Variants in ANKMY2 observed in about 807,000 individuals in gnomAD.
The protein encoded by ANKMY2 is ankyrin repeat and MYND domain-containing protein 2.
In ANKMY2, 36 loss-of-function variants were observed where a neutral mutation model predicts 50.4. That is an observed-to-expected ratio of 0.71 (90% confidence interval 0.55 to 0.94). The LOEUF (loss-of-function observed/expected upper bound fraction) is 0.94, where lower values mean the gene tolerates loss of function less well. ANKMY2 is among the 40% of genes least tolerant of loss of function. The pLI is 0.00. For missense variants in ANKMY2, 565 were observed against 524.0 expected, an observed-to-expected ratio of 1.08 and a Z score of -0.76; for synonymous variants, 187 against 178.8, an observed-to-expected ratio of 1.05 and a Z score of -0.36.
At chr7:16,640,218 T>G (rs893592860) in intron 1 of ANKMY2, among the ~76,000 whole-genome samples, 2 of 152,068 alleles carry the variant, frequency 1.3e-5, no homozygotes, top group African/African-American at 4.8e-5. Flanking sequence ...CCTGTAAAAC[T>G]CTCAGTTTCC....
chr7:16,604,430 C>T (rs535906757), intron 8 of ANKMY2, among the ~76,000 whole-genome samples: 1 of 148,042 alleles, frequency 6.8e-6, no homozygotes, highest in East Asian at 2.0e-4. Flanking sequence ...CCACGGAAAA[C>T]CTTTCTCTTA....
chr7:16,634,279 A>G (rs1172725755), intron 2 of ANKMY2, among the ~76,000 whole-genome samples: 1 of 152,266 alleles, frequency 6.6e-6, no homozygotes. Flanking sequence ...CAGACAAAAT[A>G]ACAATTTGCA....
intron 2 of ANKMY2, 77 bp from the exon 3 acceptor site, chr7:16,627,255 G>C: frequency 1.0e-6 from 1 of 957,992 alleles, no homozygotes; most frequent in East Asian, 2.8e-5. Flanking sequence ...TCTGCAATTA[G>C]AAACATAAAA....
chr7:16,626,695 T>C (rs182520462), intron 3 of ANKMY2, among the ~76,000 whole-genome samples: 2 of 152,316 alleles, frequency 1.3e-5, no homozygotes, highest in Admixed American at 1.3e-4. Context: ...ATGGCAACTG[T>C]TTGATCAAGA....
intron 2 of ANKMY2, among the ~76,000 whole-genome samples, chr7:16,633,631 A>T (rs1781617532): frequency 6.6e-6 from 1 of 152,190 alleles, no homozygotes; most frequent in African/African-American, 2.4e-5. Flanking sequence ...TACTACATTT[A>T]GCAAAGCTGT....
In ANKMY2 at chr7:16,607,746, G is replaced by T. The variant is rs1356839051; in HGVS notation, c.882+1884C>A. ...TCTGTTTTTTCCCAGGAAGGTAAAA[G>T]GTCAGCAACCATTTGTGAGTGCTGG... On this transcript the variant is annotated intron_variant, in intron 7 of 9. Coordinates refer to ENST00000306999, the MANE Select transcript of ANKMY2 (RefSeq NM_020319.3). 2.7e-5 allele frequency among the ~76,000 whole-genome samples: 4 copies of T among 148,652 alleles called. No individual in the cohort carries two copies. The Admixed American group carries it at 2.7e-4, about 10-fold the overall frequency.
At chr7:16,644,749 T>C (rs781590066) in intron 1 of ANKMY2, 10 of 470,526 alleles carry the variant, frequency 2.1e-5, no homozygotes, top group Middle Eastern at 3.2e-4. Flanking sequence ...TCCGGGGAAA[T>C]ATGGCTTCTG....
At chr7:16,624,887 C>CT in intron 4 of ANKMY2, 96 bp downstream of exon 4, 1 of 986,240 alleles carries the variant, frequency 1.0e-6, no homozygotes, top group Non-Finnish European at 1.5e-6. Flanking sequence ...TTTAAAGCAA[C>CT]ATGATAATAT....
chr7:16,616,578 C>A (rs896525869), intron 4 of ANKMY2, among the ~76,000 whole-genome samples: 127 of 152,296 alleles, frequency 8.3e-4, no homozygotes, highest in African/African-American at 2.8e-3. Context: ...CGGCGCCCCC[C>A]CCTCCCTAGC....
intron 5 of ANKMY2, 147 bp downstream of exon 5, chr7:16,615,597 C>T: frequency 1.0e-6 from 1 of 953,316 alleles, no homozygotes; most frequent in Non-Finnish European, 1.6e-6. Flanking sequence ...AGTGTTCCTT[C>T]AATAAATTAA....
chr7:16,633,236 A>G (rs1280324824), intron 2 of ANKMY2, among the ~76,000 whole-genome samples: 1 of 151,202 alleles, frequency 6.6e-6, no homozygotes, highest in South Asian at 2.1e-4. Flanking sequence ...TTGAAACACA[A>G]AAGTTTTTAA....
chr7:16,619,329 T>C (rs192858448), intron 4 of ANKMY2, among the ~76,000 whole-genome samples: 266 of 152,216 alleles, frequency 1.7e-3, no homozygotes, highest in Non-Finnish European at 2.8e-3. Context: ...AATTTTGTAT[T>C]TTTTAGTAGA....
rs749795292 is a variant in ANKMY2 at position 16,625,068 on chromosome 7, G to C, written c.285C>G (p.Ile95Met). 1.7e-5 allele frequency: 27 copies of C among 1,613,348 alleles called. No individual in the cohort carries two copies. In the Admixed American group the frequency reaches 4.5e-4, roughly 27 times the overall value. The change falls in exon 4 of 10, where the codon ATC (isoleucine) becomes ATG (methionine). Residue 95 changes from isoleucine to methionine, a missense_variant. Ile to Met is a conservative substitution (Grantham distance 10, BLOSUM62 1). Coordinates refer to ENST00000306999, the MANE Select transcript of ANKMY2 (RefSeq NM_020319.3). The stretch of plus-strand genomic sequence containing the variant: ...CACCAGCTTCTAACATTACCCATGT[G>C]ATGTCTTTATTACCTAGAGTTTTAA... ...MFAALSGNKD[I>M]TWVMLEAGAE...
At chr7:16,622,068 A>AGG (rs1219352939) in intron 4 of ANKMY2, among the ~76,000 whole-genome samples, 34 of 151,784 alleles carry the variant, frequency 2.2e-4, no homozygotes, top group Non-Finnish European at 3.4e-4. Flanking sequence ...GAAGAAGAGG[A>AGG]AGAGGAGGAG....
At position 16,636,732 on chromosome 7, in the gene ANKMY2, T is replaced by C. The variant is rs527441757; in HGVS notation, c.68-277A>G. 4.6e-5 allele frequency among the ~76,000 whole-genome samples: 7 copies of C among 152,212 alleles called. No homozygotes were observed. The East Asian group carries it at 1.3e-3, about 29-fold the overall frequency. On this transcript the variant is annotated intron_variant, in intron 1 of 9. Coordinates refer to ENST00000306999, the MANE Select transcript of ANKMY2 (RefSeq NM_020319.3). ...GGCCACATTTTCCTTTTGGCGGTAA[T>C]ACAATAACCACAAAGCATAAGACTT...
intron 4 of ANKMY2, among the ~76,000 whole-genome samples, chr7:16,617,077 C>CTTT (rs55860068): frequency 6.7e-6 from 1 of 148,674 alleles, no homozygotes; most frequent in Non-Finnish European, 1.5e-5. Context: ...CATTTTAGAA[C>CTTT]TTTTTTTTTT....
At position 16,602,510 on chromosome 7, in the gene ANKMY2, C is replaced by T; in HGVS notation, c.1012-1G>A. 1.2e-6 allele frequency: 2 copies of T among 1,607,890 alleles called. No individual in the cohort carries two copies. The highest frequency in any genetic ancestry group is 1.1e-5 in the South Asian group (1 of 89,098). ...GGCAGGTTTGATCACAATATATTACCTGAAAGCAATTGTTGGTTTATTTTC... is the reference window on the plus strand; with the variant it reads ...GGCAGGTTTGATCACAATATATTACTTGAAAGCAATTGTTGGTTTATTTTC... On this transcript the variant is annotated splice_acceptor_variant, in intron 8 of 9. Coordinates refer to ENST00000306999, the MANE Select transcript of ANKMY2 (RefSeq NM_020319.3). LOFTEE classifies it high-confidence loss of function.
At chr7:16,616,573 C>A (rs57988707) in intron 4 of ANKMY2, among the ~76,000 whole-genome samples, 15,384 of 150,938 alleles carry the variant, frequency 0.1, 899 homozygotes, top group Middle Eastern at 0.15. Flanking sequence ...TCCTGCGGCG[C>A]CCCCCCCTCC....
intron 5 of ANKMY2, among the ~76,000 whole-genome samples, chr7:16,612,853 T>A (rs511938): frequency 6.6e-6 from 1 of 152,156 alleles, no homozygotes; most frequent in Non-Finnish European, 1.5e-5. Flanking sequence ...GGAAATCCTT[T>A]TTATTAATTA....
Sources: allele counts gnomAD v4.1 joint callset (sites outside exome capture counted in the v4.1 genomes callset), GRCh38; gene constraint gnomAD v4.1.1; transcripts MANE v1.5; gene names NCBI Gene and HGNC (gene_info 2026-07-23, HGNC 2026-07-21).